Variants in BMPR2 observed in about 807,000 individuals in gnomAD.
BMPR2 encodes the protein bone morphogenetic protein receptor type-2.
BMPR2 carries 29 observed loss-of-function variants against 100.8 expected under a neutral mutation model. The ratio of observed to expected loss-of-function variants is 0.29; its 90% CI spans 0.21 to 0.39. BMPR2 has a LOEUF of 0.39. BMPR2 is among the 10% of genes least tolerant of loss of function. The probability of loss-of-function intolerance (pLI) is 1.00; values close to 1 mark genes in which losing one functional copy is unlikely to be tolerated. For missense variants in BMPR2, 1,011 were observed against 1,274.5 expected (o/e 0.79, Z 3.15); for synonymous variants, 382 against 442.3 (o/e 0.86, Z 1.71).
At chr2:202,481,720 A>G (rs2105973929) in intron 3 of BMPR2, among the ~76,000 whole-genome samples, 1 of 152,248 alleles carries the variant, frequency 6.6e-6, no homozygotes, top group African/African-American at 2.4e-5. Flanking sequence ...CAAGCCTTAC[A>G]GTTCTTTTGT....
chr2:202,484,682 A>AAAAAAT (rs1692735485), intron 3 of BMPR2, among the ~76,000 whole-genome samples: 1 of 84,822 alleles, frequency 1.2e-5, no homozygotes. Context: ...CAAAAAAGAA[A>AAAAAAT]AAGGCTGGGC....
chr2:202,508,537 A>G (rs1322839841), intron 3 of BMPR2, among the ~76,000 whole-genome samples: 1 of 152,240 alleles, frequency 6.6e-6, no homozygotes, highest in African/African-American at 2.4e-5. Context: ...GTTGTCACCT[A>G]TGTAAATGTG....
chr2:202,404,586 A>T (rs982539925), intron 1 of BMPR2, among the ~76,000 whole-genome samples: 3 of 152,156 alleles, frequency 2.0e-5, no homozygotes, highest in Admixed American at 6.5e-5. Flanking sequence ...TAGTTAATGA[A>T]CATCAGATAT....
At chr2:202,391,524 T>C (rs1005764611) in intron 1 of BMPR2, among the ~76,000 whole-genome samples, 1 of 151,132 alleles carries the variant, frequency 6.6e-6, no homozygotes, top group African/African-American at 2.4e-5. Context: ...ACTCCTGGGC[T>C]CAAGCGACCC....
At chr2:202,549,841 T>C (rs1358041530) in intron 10 of BMPR2, among the ~76,000 whole-genome samples, 1 of 152,202 alleles carries the variant, frequency 6.6e-6, no homozygotes, top group Non-Finnish European at 1.5e-5. Context: ...GCATAAGAGT[T>C]CCAGTTTCTC....
At position 202,520,119 on chromosome 2, in the gene BMPR2, A is replaced by T; in HGVS notation, c.885A>T (p.Thr295=). Residue 295 remains threonine, a synonymous_variant, in exon 7 of 13, where the codon ACA becomes ACT. Coordinates refer to ENST00000374580, the MANE Select transcript of BMPR2 (RefSeq NM_001204.7). The stretch of plus-strand genomic sequence containing the variant: ...TATGCAAGTATTTAAGTCTCCACAC[A>T]AGTGACTGGGTAAGCTCTTGCCGTC... ...GSLCKYLSLH[T]SDWVSSCRLA... is the part of the protein sequence containing the mutation. The T allele has an allele frequency of 6.2e-7, 1 of 1,613,452 alleles. No homozygotes were observed.
intron 3 of BMPR2, among the ~76,000 whole-genome samples, chr2:202,492,268 C>T (rs930542003): frequency 1.3e-5 from 2 of 151,960 alleles, no homozygotes; most frequent in Admixed American, 1.3e-4. Flanking sequence ...GTGCTAGTTA[C>T]ATAAGTGTTT....
In BMPR2 at chr2:202,561,089, C is replaced by T. The variant is rs559692407; in HGVS notation, c.*1143C>T. On this transcript the variant is annotated 3_prime_UTR_variant, in exon 13 of 13. Coordinates refer to ENST00000374580, the MANE Select transcript of BMPR2 (RefSeq NM_001204.7). ...ACCTATAGTATCTTTTACCCTGTTC[C>T]CAAGCAAAGACTGGTGACTTTATCT... The T allele has an allele frequency of 9.9e-5, 15 of 152,094 alleles. No individual in the cohort carries two copies. The highest frequency in any genetic ancestry group is 3.6e-4 in the African/African-American group (15 of 41,522). 9.4% of individuals were successfully genotyped at this position (152,094 alleles called of 1,614,324 possible).
intron 3 of BMPR2, among the ~76,000 whole-genome samples, chr2:202,485,651 A>C (rs1692763414): frequency 7.0e-6 from 1 of 143,222 alleles, no homozygotes; most frequent in Non-Finnish European, 1.5e-5. Flanking sequence ...GGTTCAACGG[A>C]TTCTTCTGCC....
chr2:202,519,344 CAG>C (rs539816182), intron 6 of BMPR2, among the ~76,000 whole-genome samples: 22 of 152,202 alleles, frequency 1.4e-4, no homozygotes, highest in African/African-American at 5.1e-4. Flanking sequence ...GCCTGGGCGA[CAG>C]AGCAAGACGC....
chr2:202,544,757 CTTTCT>C (rs1290198200), intron 10 of BMPR2, among the ~76,000 whole-genome samples: 15 of 106,682 alleles, frequency 1.4e-4, no homozygotes, highest in African/African-American at 2.0e-4. Context: ...TTTTCTTTTT[CTTTCT>C]TTTTTTTTTT....
At chr2:202,559,606 C>T (rs894761076) in intron 12 of BMPR2, 90 bp from the exon 13 acceptor site, 24 of 1,368,230 alleles carry the variant, frequency 1.8e-5, no homozygotes, top group Admixed American at 3.8e-5. Flanking sequence ...CCTCCTGAGA[C>T]ATTGGTTTGA....
intron 12 of BMPR2, among the ~76,000 whole-genome samples, chr2:202,559,260 C>T (rs1688640376): frequency 6.6e-6 from 1 of 151,132 alleles, no homozygotes; most frequent in African/African-American, 2.4e-5. Flanking sequence ...CAAGATCATG[C>T]CACTGCACTC....
intron 1 of BMPR2, among the ~76,000 whole-genome samples, chr2:202,424,005 G>A (rs545697799): frequency 1.1e-4 from 17 of 151,096 alleles, no homozygotes; most frequent in Non-Finnish European, 2.1e-4. Context: ...CCTTAGAGGC[G>A]GAGGTTGCAG....
intron 5 of BMPR2, among the ~76,000 whole-genome samples, chr2:202,516,610 A>G (rs1261261247): frequency 1.3e-5 from 2 of 152,104 alleles, no homozygotes; most frequent in East Asian, 1.9e-4. Context: ...CCCAAGAGGT[A>G]GAGGTTGTGG....
Position 202,563,297 on chromosome 2 carries a change from C to G in BMPR2, c.*3351C>G, listed in dbSNP as rs1369150893. 1 of 152,024 alleles carries G rather than the reference C, an allele frequency of 6.6e-6. No individual in the cohort carries two copies. The highest frequency in any genetic ancestry group is 1.5e-5 in the Non-Finnish European group (1 of 68,010). The allele number at this position is 152,024 out of a possible 1,614,324, so 9.4% of individuals were successfully genotyped here. A position where few individuals can be genotyped will look rare whatever the true frequency, so the allele number is the denominator to read the frequency against. ...AAATATTTTTTAAAAATTAACTGAG[C>G]GTGGTGGTGGGCGCCTGTAGTCCCA... On this transcript the variant is annotated 3_prime_UTR_variant, in exon 13 of 13. Coordinates refer to ENST00000374580, the MANE Select transcript of BMPR2 (RefSeq NM_001204.7).
At chr2:202,444,171 A>G (rs1400975277) in intron 1 of BMPR2, among the ~76,000 whole-genome samples, 1 of 150,612 alleles carries the variant, frequency 6.6e-6, no homozygotes, top group East Asian at 1.9e-4. Flanking sequence ...AGTCTTGATT[A>G]TTTGTCATTT....
intron 10 of BMPR2, among the ~76,000 whole-genome samples, chr2:202,549,608 G>A (rs939538661): frequency 2.0e-5 from 3 of 152,022 alleles, no homozygotes; most frequent in African/African-American, 7.2e-5. Flanking sequence ...AATTAGCCGG[G>A]TGTGGTGGTG....
At chr2:202,552,292 G>C (rs1015033860) in intron 10 of BMPR2, among the ~76,000 whole-genome samples, 4 of 152,164 alleles carry the variant, frequency 2.6e-5, no homozygotes, top group Admixed American at 1.3e-4. Flanking sequence ...GCCCAACCAA[G>C]TATCCTTAAC....
Sources: allele counts gnomAD v4.1 joint callset (sites outside exome capture counted in the v4.1 genomes callset), GRCh38; gene constraint gnomAD v4.1.1; transcripts MANE v1.5; gene names NCBI Gene and HGNC (gene_info 2026-07-23, HGNC 2026-07-21).